The following MEOX2 variants were observed in gnomAD, a reference collection of about 807,000 sequenced individuals.
MEOX2 encodes mesenchyme homeobox 2, also known as homeobox protein MOX-2.
In MEOX2, 11 loss-of-function variants were observed where a neutral mutation model predicts 27.0. That is an observed-to-expected ratio of 0.41 (90% CI 0.26 to 0.68). The LOEUF (loss-of-function observed/expected upper bound fraction) is 0.68. MEOX2 is among the 30% of genes least tolerant of loss of function. The pLI is 0.33. For missense variants in MEOX2, 436 were observed against 385.4 expected, an observed-to-expected ratio of 1.13 and a Z score of -1.10; for synonymous variants, 189 against 155.4, an observed-to-expected ratio of 1.22 and a Z score of -1.61.
chr7:15,668,704 G>A (rs947820758), intron 1 of MEOX2, among the ~76,000 whole-genome samples: 22 of 152,068 alleles, frequency 1.4e-4, no homozygotes, highest in African/African-American at 5.1e-4. Flanking sequence ...TCGAACTCCT[G>A]ATCTCAGATG....
At chr7:15,661,511 CA>C (rs1455624660) in intron 1 of MEOX2, among the ~76,000 whole-genome samples, 17 of 152,168 alleles carry the variant, frequency 1.1e-4, no homozygotes, top group Non-Finnish European at 2.5e-4. Context: ...AGAAGTTCAT[CA>C]CTTTGCCAAT....
At chr7:15,652,096 T>G (rs1409795192) in intron 1 of MEOX2, among the ~76,000 whole-genome samples, 1 of 152,080 alleles carries the variant, frequency 6.6e-6, no homozygotes, top group Non-Finnish European at 1.5e-5. Flanking sequence ...AATAGGGATT[T>G]AAGACTCAAT....
intron 1 of MEOX2, among the ~76,000 whole-genome samples, chr7:15,645,937 T>C (rs1020016015): frequency 6.6e-6 from 1 of 152,144 alleles, no homozygotes; most frequent in South Asian, 2.1e-4. Context: ...GTTTATATCT[T>C]CTCTTTAAGT....
chr7:15,654,856 T>C (rs957883030), intron 1 of MEOX2, among the ~76,000 whole-genome samples: 1 of 151,736 alleles, frequency 6.6e-6, no homozygotes, highest in Non-Finnish European at 1.5e-5. Context: ...TCTTCTGTTA[T>C]ACTGACTGTC....
chr7:15,678,527 C>A (rs918050865), intron 1 of MEOX2, among the ~76,000 whole-genome samples: 1 of 152,100 alleles, frequency 6.6e-6, no homozygotes, highest in African/African-American at 2.4e-5. Flanking sequence ...AAGAGGCATG[C>A]CCATTTAATC....
intron 1 of MEOX2, among the ~76,000 whole-genome samples, chr7:15,685,353 TA>T (rs113917849): frequency 2.2e-3 from 324 of 146,978 alleles, no homozygotes; most frequent in South Asian, 0.016. Context: ...ATAAGAATGT[TA>T]AAAAAAAAAA....
intron 1 of MEOX2, among the ~76,000 whole-genome samples, chr7:15,650,351 CA>C (rs1161120548): frequency 6.6e-6 from 1 of 152,062 alleles, no homozygotes; most frequent in Non-Finnish European, 1.5e-5. Context: ...GCAACACCTG[CA>C]CCAGATTCAG....
In MEOX2 at chr7:15,686,464, C is replaced by T; in HGVS notation, c.-62G>A. The T allele has an allele frequency of 7.0e-7, 1 of 1,421,734 alleles. No individual in the cohort carries two copies. Among genetic ancestry groups the T allele is most frequent in the South Asian group, 1.4e-5 (1 of 72,148 alleles). 88.1% of individuals were successfully genotyped at this position (1,421,734 alleles called of 1,614,324 possible). A position where few individuals can be genotyped will look rare whatever the true frequency, so the allele number is the denominator to read the frequency against. On this transcript the variant is annotated 5_prime_UTR_variant, in exon 1 of 3. Transcript: ENST00000262041. ...CGGCGGTTCCAAAGGCCACCACCCT[C>T]TGTCACTTTTTCACTGGAAACCGTG...
chr7:15,630,401 G>T (rs1471262761), intron 1 of MEOX2, among the ~76,000 whole-genome samples: 1 of 151,982 alleles, frequency 6.6e-6, no homozygotes, highest in Non-Finnish European at 1.5e-5. Context: ...GGGAGGGCTT[G>T]GTCTGTTCAC....
intron 2 of MEOX2, among the ~76,000 whole-genome samples, chr7:15,613,842 G>C (rs990281238): frequency 1.3e-5 from 2 of 151,778 alleles, no homozygotes; most frequent in Non-Finnish European, 2.9e-5. Context: ...ATGGATATTT[G>C]AATTCTTTTT....
chr7:15,629,099 T>C (rs1466312461), intron 1 of MEOX2, among the ~76,000 whole-genome samples: 3 of 152,092 alleles, frequency 2.0e-5, no homozygotes, highest in Admixed American at 6.6e-5. Flanking sequence ...ATTTGAATGA[T>C]TCATGGTTAG....
chr7:15,661,983 G>T (rs1781926275), intron 1 of MEOX2, among the ~76,000 whole-genome samples: 1 of 152,096 alleles, frequency 6.6e-6, no homozygotes, highest in South Asian at 2.1e-4. Flanking sequence ...TATTTAGACA[G>T]AACTTTGCAA....
rs1184175948 is a variant in MEOX2, at chr7:15,611,664, T to A, written c.*723A>T. On this transcript the variant is annotated 3_prime_UTR_variant, in exon 3 of 3. Coordinates refer to ENST00000262041, the MANE Select transcript of MEOX2 (RefSeq NM_005924.5). ...TACAAGAATATGTCCTATCAGACTCTACTGTATTTTTCTCTACTTGAACAC... is the reference window on the plus strand; with the variant it reads ...TACAAGAATATGTCCTATCAGACTCAACTGTATTTTTCTCTACTTGAACAC... 1 of 152,666 alleles carries A rather than the reference T, an allele frequency of 6.6e-6. No individual in the cohort carries two copies. Among genetic ancestry groups the A allele is most frequent in the Non-Finnish European group, 1.5e-5 (1 of 68,056 alleles). 9.5% of individuals were successfully genotyped at this position (152,666 alleles called of 1,614,324 possible). A position where few individuals can be genotyped will look rare whatever the true frequency, so the allele number is the denominator to read the frequency against.
At chr7:15,637,925 C>T (rs1048628914) in intron 1 of MEOX2, among the ~76,000 whole-genome samples, 10 of 151,908 alleles carry the variant, frequency 6.6e-5, no homozygotes, top group Admixed American at 6.6e-4. Flanking sequence ...ATAATACAAA[C>T]CTACTATTAG....
At chr7:15,647,078 T>G (rs530658455) in intron 1 of MEOX2, among the ~76,000 whole-genome samples, 8 of 152,046 alleles carry the variant, frequency 5.3e-5, no homozygotes, top group Non-Finnish European at 1.0e-4. Flanking sequence ...CTCATAAGAC[T>G]CATATATTAG....
chr7:15,644,040 T>C (rs1781604147), intron 1 of MEOX2, among the ~76,000 whole-genome samples: 2 of 152,182 alleles, frequency 1.3e-5, no homozygotes, highest in South Asian at 2.1e-4. Context: ...GTGTTTAAGA[T>C]GCATCTTGCT....
rs1376582872 is a variant in MEOX2, at chr7:15,675,931, C to A, written c.517+9955G>T. ...TTTAAACTTCTCTTGTTTTAGGGAT[C>A]AAATTGCTATGGATCTGAAAATGCT... On this transcript the variant is annotated intron_variant, in intron 1 of 2. Transcript: ENST00000262041. The A allele has an allele frequency of 2.0e-5, 3 of 152,126 alleles. No individual in the cohort carries two copies. In the East Asian group the frequency reaches 5.8e-4, roughly 29 times the overall value. The allele number at this position is 152,126 out of a possible 1,614,324, so 9.4% of individuals were successfully genotyped here.
chr7:15,616,284 A>G (rs1781122654), intron 2 of MEOX2, among the ~76,000 whole-genome samples: 1 of 151,884 alleles, frequency 6.6e-6, no homozygotes, highest in South Asian at 2.1e-4. Flanking sequence ...CATAATGGGC[A>G]TATCTTATAG....
intron 1 of MEOX2, among the ~76,000 whole-genome samples, chr7:15,673,184 A>AT (rs1337901443): frequency 6.6e-6 from 1 of 152,124 alleles, no homozygotes; most frequent in Non-Finnish European, 1.5e-5. Flanking sequence ...GAAAACACTA[A>AT]TTTTTCCTTA....
Sources: allele counts gnomAD v4.1 joint callset (sites outside exome capture counted in the v4.1 genomes callset), GRCh38; gene constraint gnomAD v4.1.1; transcripts MANE v1.5; gene names NCBI Gene and HGNC (gene_info 2026-07-23, HGNC 2026-07-21).